Variants in CNPPD1 observed in about 807,000 individuals in gnomAD.
CNPPD1 encodes protein CNPPD1.
In CNPPD1, 40 loss-of-function variants were observed where a neutral mutation model predicts 43.7. That is an observed-to-expected ratio of 0.92 (90% CI 0.71 to 1.19). The LOEUF is 1.19. Ranked by LOEUF, CNPPD1 falls within the 50% of genes most tolerant of loss-of-function variation. The pLI, the probability that CNPPD1 is intolerant of heterozygous loss-of-function variation, is 0.00. For synonymous variants in CNPPD1, 208 were observed against 214.3 expected, an observed-to-expected ratio of 0.97 and a Z score of 0.26; for missense variants, 511 against 518.5, an observed-to-expected ratio of 0.99 and a Z score of 0.14.
rs748609035 is a variant in CNPPD1 at position 219,172,654 on chromosome 2, G to A, written c.1165C>T (p.Pro389Ser). The A allele has an allele frequency of 3.7e-6, 6 of 1,614,174 alleles. No homozygotes were observed. In the Admixed American group the frequency reaches 1.0e-4, roughly 27 times the overall value. Residue 389 changes from proline to serine, a missense_variant, in exon 8 of 8, where the codon CCT becomes TCT. By Grantham distance (74) the Pro-to-Ser change is moderately conservative. Transcript: ENST00000360507. ...ACACTGAAAAGGGAACATTGCTGAG[G>A]CTGAGGAAGTGAAAGGAGCACCGGG... is the stretch of plus-strand genomic sequence containing the variant. The part of the protein sequence containing the change: ...WSPVLLSLPQ[P>S]QQCSLFSVME...
At chr2:219,177,901 G>A (rs1306320199), upstream of CNPPD1, 1 of 152,628 alleles carries the variant, frequency 6.6e-6, no homozygotes, top group Non-Finnish European at 1.5e-5. Context: ...AGGGTTGGTT[G>A]AGTAATGGGA....
At chr2:219,176,706 CAGGCCGGGAGGGGCGCGCCGGG>C (rs200450802) in intron 1 of CNPPD1, 32 bp downstream of exon 1, 48,862 of 1,381,184 alleles carry the variant, frequency 0.035, 918 homozygotes, top group African/African-American at 0.056. Flanking sequence ...CAGCGCCGCT[CAGGCCGGGAGGGGCGCGCCGGG>C]AGGCCGGGGA....
intron 1 of CNPPD1, 145 bp downstream of exon 1, chr2:219,176,615 C>T (rs1950167052): frequency 2.0e-5 from 14 of 690,232 alleles, no homozygotes; most frequent in Non-Finnish European, 2.2e-5. Flanking sequence ...CTCTCCCTCC[C>T]GGCCCAAGCA....
Position 219,176,874 on chromosome 2 carries a change from G to C in CNPPD1, c.-46C>G. 1 of 1,490,248 alleles carries C rather than the reference G, an allele frequency of 6.7e-7. No individual in the cohort carries two copies. Among genetic ancestry groups the C allele is most frequent in the South Asian group, 1.2e-5 (1 of 82,492 alleles). 92.3% of individuals were successfully genotyped at this position (1,490,248 alleles called of 1,614,324 possible). Reference sequence around the variant, plus strand: ...TGCGAAGGTGAACGGAAGGAAACGAGTTGTAGGGGGCTCGCGGAGCTGTCC... The same window carrying C: ...TGCGAAGGTGAACGGAAGGAAACGACTTGTAGGGGGCTCGCGGAGCTGTCC... On this transcript the variant is annotated 5_prime_UTR_variant, in exon 1 of 8. Transcript: ENST00000360507.
At chr2:219,175,800 A>C (rs1950149977) in intron 2 of CNPPD1, 128 bp from the exon 3 acceptor site, 2 of 739,410 alleles carry the variant, frequency 2.7e-6, no homozygotes, top group African/African-American at 1.8e-5. Context: ...ATAGTAACAA[A>C]ATAGAGATCA....
rs373343176 is a variant in CNPPD1 at position 219,175,495 on chromosome 2, A to C, written c.260+96T>G. 787 of 237,966 alleles carry C rather than the reference A, an allele frequency of 3.3e-3. 2 individuals are homozygous for C. Among genetic ancestry groups the C allele is most frequent in the African/African-American group, 0.017 (711 of 41,818 alleles). The allele number at this position is 237,966 out of a possible 1,614,324, so 14.7% of individuals were successfully genotyped here. Reference sequence around the variant, plus strand: ...CTGGGTGACAAAGTGAGACTGTCTCAAAAAAAAAAAAAAGAAAGAAAGAAA... The same window carrying C: ...CTGGGTGACAAAGTGAGACTGTCTCCAAAAAAAAAAAAAGAAAGAAAGAAA... On this transcript the variant is annotated intron_variant, in intron 3 of 7. Coordinates refer to ENST00000360507, the MANE Select transcript of CNPPD1 (RefSeq NM_015680.6).
intron 6 of CNPPD1, 114 bp downstream of exon 6, chr2:219,174,030 TTC>T: frequency 2.0e-6 from 2 of 1,002,860 alleles, no homozygotes; most frequent in Non-Finnish European, 3.2e-6. Context: ...ATCTGGGCAA[TTC>T]TCTTTCTTGT....
At position 219,172,382 on chromosome 2, in the gene CNPPD1, A is replaced by G; in HGVS notation, c.*204T>C. 1 of 625,842 alleles carries G rather than the reference A, an allele frequency of 1.6e-6. No individual in the cohort carries two copies. Among genetic ancestry groups the G allele is most frequent in the Non-Finnish European group, 2.8e-6 (1 of 355,356 alleles). The allele number at this position is 625,842 out of a possible 1,614,324, so 38.8% of individuals were successfully genotyped here. A position where few individuals can be genotyped will look rare whatever the true frequency, so the allele number is the denominator to read the frequency against. On this transcript the variant is annotated 3_prime_UTR_variant, in exon 8 of 8. Transcript: ENST00000360507. ...AGCGGAAGCTCTCCCTGGCGGCATC[A>G]CTGTCCTGGCCAAGCAGCCAGCCAC...
chr2:219,172,466 C>A lies in CNPPD1; in HGVS notation c.*120G>T, dbSNP rs1950085442. 1.9e-6 allele frequency: 2 copies of A among 1,063,476 alleles called. No individual in the cohort carries two copies. The highest frequency in any genetic ancestry group is 2.7e-4 in the Middle Eastern group (1 of 3,736). 65.9% of individuals were successfully genotyped at this position (1,063,476 alleles called of 1,614,324 possible). On this transcript the variant is annotated 3_prime_UTR_variant, in exon 8 of 8. Coordinates refer to ENST00000360507, the MANE Select transcript of CNPPD1 (RefSeq NM_015680.6). Reference sequence around the variant, plus strand: ...TGCCCCACCACCCCATAAGCTCCCACCCAGGAGGACAGGGGACCTGCCAAG... The same window carrying A: ...TGCCCCACCACCCCATAAGCTCCCAACCAGGAGGACAGGGGACCTGCCAAG...
chr2:219,175,491 T>C lies in CNPPD1; in HGVS notation c.260+100A>G, dbSNP rs542986538. On this transcript the variant is annotated intron_variant, in intron 3 of 7. Coordinates refer to ENST00000360507, the MANE Select transcript of CNPPD1 (RefSeq NM_015680.6). ...CAGCCTGGGTGACAAAGTGAGACTG[T>C]CTCAAAAAAAAAAAAAAGAAAGAAA... 57 of 1,124,252 alleles carry C rather than the reference T, an allele frequency of 5.1e-5. No homozygotes were observed. The Admixed American group carries it at 1.2e-3, about 23-fold the overall frequency. The allele number at this position is 1,124,252 out of a possible 1,614,324, so 69.6% of individuals were successfully genotyped here. A position where few individuals can be genotyped will look rare whatever the true frequency, so the allele number is the denominator to read the frequency against.
In CNPPD1 at chr2:219,172,371, C is replaced by T; in HGVS notation, c.*215G>A. The T allele has an allele frequency of 5.0e-6, 3 of 604,838 alleles. No individual in the cohort carries two copies. The highest frequency in any genetic ancestry group is 8.8e-6 in the Non-Finnish European group (3 of 341,644). 37.5% of individuals were successfully genotyped at this position (604,838 alleles called of 1,614,324 possible). ...CCTGGTCACCAAGCGGAAGCTCTCC[C>T]TGGCGGCATCACTGTCCTGGCCAAG... On this transcript the variant is annotated 3_prime_UTR_variant, in exon 8 of 8. Transcript: ENST00000360507.
At chr2:219,177,090 C>G, upstream of CNPPD1, 1 of 403,244 alleles carries the variant, frequency 2.5e-6, no homozygotes. Context: ...GTCAAGCGTC[C>G]GTGCGACGCT....
rs1433063867 is a variant in CNPPD1 at position 219,176,148 on chromosome 2, C to A, written c.178+75G>T. 3 of 1,134,580 alleles carry A rather than the reference C, an allele frequency of 2.6e-6. No homozygotes were observed. The African/African-American group carries it at 4.6e-5, about 17-fold the overall frequency. 70.3% of individuals were successfully genotyped at this position (1,134,580 alleles called of 1,614,324 possible). On this transcript the variant is annotated intron_variant, in intron 2 of 7. Coordinates refer to ENST00000360507, the MANE Select transcript of CNPPD1 (RefSeq NM_015680.6). Reference sequence around the variant, plus strand: ...GAGACAGTGTAGCCACGGGGCAAACCTCGAGCCATTTTCTGCCTGATGACA... The same window carrying A: ...GAGACAGTGTAGCCACGGGGCAAACATCGAGCCATTTTCTGCCTGATGACA...
chr2:219,176,948 T>TCCTCGC (rs539599905), upstream of CNPPD1: 4,606 of 799,512 alleles, frequency 5.8e-3, 176 homozygotes, highest in African/African-American at 0.075. Context: ...CGGGCCGCCG[T>TCCTCGC]CCTCGCCCTC....
At chr2:219,176,676 A>T in intron 1 of CNPPD1, 84 bp downstream of exon 1, 1 of 1,082,624 alleles carries the variant, frequency 9.2e-7, no homozygotes, top group South Asian at 1.4e-5. Context: ...CAGTCCCGGC[A>T]CAGCAGTCAG....
At position 219,172,793 on chromosome 2, in the gene CNPPD1, G is replaced by A; in HGVS notation, c.1026C>T (p.Leu342=). The change falls in exon 8 of 8, where the codon CTC becomes CTT. Residue 342 remains leucine (L), a synonymous_variant. Transcript: ENST00000360507. ...LLHNCHLCQK[L]QRDSPTCHAC... is the part of the protein sequence containing the mutation. ...CATGGCAGGTTGGGGAGTCTCTCTG[G>A]AGCTTCTGGCAAAGGTGGCAGTTAT... 1 of 1,604,056 alleles carries A rather than the reference G, an allele frequency of 6.2e-7. No individual in the cohort carries two copies. The highest frequency in any genetic ancestry group is 1.1e-5 in the South Asian group (1 of 89,484).
At chr2:219,174,505 C>A (rs1272762712) in intron 5 of CNPPD1, among the ~76,000 whole-genome samples, 1 of 152,140 alleles carries the variant, frequency 6.6e-6, no homozygotes, top group Non-Finnish European at 1.5e-5. Flanking sequence ...TATTCAGAAC[C>A]CAATAGGATA....
chr2:219,173,996 G>C (rs1950118416), intron 6 of CNPPD1, 150 bp downstream of exon 6: 1 of 758,428 alleles, frequency 1.3e-6, no homozygotes, highest in South Asian at 1.5e-5. Context: ...ATGAAGAAGA[G>C]GACAGATGGG....
chr2:219,176,370 G>C, intron 1 of CNPPD1, 39 bp from the exon 2 acceptor site: 2 of 1,415,412 alleles, frequency 1.4e-6, no homozygotes, highest in Non-Finnish European at 2.0e-6. Context: ...GAAGGGCACG[G>C]AAAGGTATGA....
Sources: gnomAD v4.1 joint callset for allele counts (sites outside exome capture counted in the v4.1 genomes callset) on GRCh38, gnomAD v4.1.1 for gene constraint, MANE v1.5 for transcripts, NCBI Gene and HGNC (gene_info 2026-07-23, HGNC 2026-07-21) for gene names.